Variants in GLP1R observed in about 807,000 individuals in gnomAD.
GLP1R encodes glucagon-like peptide 1 receptor.
In GLP1R, 32 loss-of-function variants were observed where a neutral mutation model predicts 68.4. The observed-to-expected ratio is 0.47, with a 90% CI of 0.35 to 0.63. GLP1R has a LOEUF of 0.63. Among genes scored for constraint, GLP1R ranks in the 20% least tolerant of loss-of-function variants. The pLI is 0.00. For synonymous variants in GLP1R, 263 were observed against 244.4 expected (o/e 1.08, Z -0.71); for missense variants, 502 against 594.9 (o/e 0.84, Z 1.62).
At chr6:39,070,354 A>T (rs369686092) in intron 5 of GLP1R, among the ~76,000 whole-genome samples, 3 of 152,234 alleles carry the variant, frequency 2.0e-5, no homozygotes, top group African/African-American at 7.2e-5. Context: ...TGTATAATAC[A>T]GCACAGTTTA....
At chr6:39,052,230 GA>G (rs1273794460) in intron 1 of GLP1R, among the ~76,000 whole-genome samples, 3 of 151,324 alleles carry the variant, frequency 2.0e-5, no homozygotes, top group East Asian at 1.9e-4. Flanking sequence ...AGCCCTTAGG[GA>G]AAAAAAATGG....
At chr6:39,053,989 C>T (rs910650760) in intron 1 of GLP1R, among the ~76,000 whole-genome samples, 2 of 152,190 alleles carry the variant, frequency 1.3e-5, no homozygotes, top group East Asian at 1.9e-4. Flanking sequence ...CCCTGCTGTG[C>T]CCTCCTGCTG....
chr6:39,075,680 G>A (rs1272790576), intron 7 of GLP1R, among the ~76,000 whole-genome samples: 1 of 152,240 alleles, frequency 6.6e-6, no homozygotes, highest in Admixed American at 6.5e-5. Flanking sequence ...GTTGCTAGGA[G>A]CTCAGACGTG....
Position 39,078,353 on chromosome 6 carries a change from C to T in GLP1R, c.855C>T (p.Gly285=). 1.2e-6 allele frequency: 2 copies of T among 1,612,846 alleles called. No homozygotes were observed. The highest frequency in any genetic ancestry group is 1.7e-6 in the Non-Finnish European group (2 of 1,178,848). Residue 285 remains glycine, a synonymous_variant, in exon 8 of 13, where the codon GGC becomes GGT. Coordinates refer to ENST00000373256, the MANE Select transcript of GLP1R (RefSeq NM_002062.5). ...CCCTGCTGTTTGTTGTCCCCTGGGGCATTGTCAAGTACCTCTATGAGGACG... is the reference window on the plus strand; with the variant it reads ...CCCTGCTGTTTGTTGTCCCCTGGGGTATTGTCAAGTACCTCTATGAGGACG... ...GVPLLFVVPW[G]IVKYLYEDEG... is the part of the protein sequence containing the mutation.
chr6:39,083,444 G>T (rs1170114028), intron 12 of GLP1R, among the ~76,000 whole-genome samples: 1 of 152,216 alleles, frequency 6.6e-6, no homozygotes. Context: ...AAGATGGCTT[G>T]AATATTGGTT....
intron 5 of GLP1R, among the ~76,000 whole-genome samples, chr6:39,071,682 G>C (rs2300616): frequency 0.55 from 84,080 of 151,810 alleles, 23,571 homozygotes; most frequent in South Asian, 0.59. Context: ...TTCCCTGTCC[G>C]GATACCATGG....
At chr6:39,070,923 G>C (rs1397960855) in intron 5 of GLP1R, among the ~76,000 whole-genome samples, 2 of 152,034 alleles carry the variant, frequency 1.3e-5, no homozygotes, top group Non-Finnish European at 2.9e-5. Flanking sequence ...ATGGAATAAA[G>C]TTTATCAATT....
At position 39,079,205 on chromosome 6, in the gene GLP1R, T is replaced by G. The variant is rs369825346; in HGVS notation, c.1043+5T>G. 6.2e-7 allele frequency: 1 copy of G among 1,601,742 alleles called. No individual in the cohort carries two copies. The highest frequency in any genetic ancestry group is 8.6e-7 in the Non-Finnish European group (1 of 1,168,710). ...CAAGACAGACATCAAATGCAGGTGA[T>G]GTAACTGAGCTGGCTTTACTGAGGA... On this transcript the variant is annotated splice_donor_5th_base_variant and intron_variant, in intron 10 of 12. Transcript: ENST00000373256. This position sits in a 1 kb window ranked among gnomAD's most constrained non-coding sequence, Gnocchi z 4.5.
At chr6:39,069,463 C>G (rs1036422797) in intron 5 of GLP1R, among the ~76,000 whole-genome samples, 1 of 152,100 alleles carries the variant, frequency 6.6e-6, no homozygotes, top group Admixed American at 6.6e-5. Flanking sequence ...GAAACCCCGT[C>G]TCTACTAAAA....
intron 6 of GLP1R, among the ~76,000 whole-genome samples, chr6:39,073,276 C>T (rs944730788): frequency 3.3e-5 from 5 of 152,168 alleles, no homozygotes; most frequent in African/African-American, 1.2e-4. Context: ...AAAGAGTAGT[C>T]TTTGGAGACA....
At chr6:39,060,950 A>T (rs2150824522) in intron 3 of GLP1R, among the ~76,000 whole-genome samples, 1 of 152,282 alleles carries the variant, frequency 6.6e-6, no homozygotes, top group African/African-American at 2.4e-5. Flanking sequence ...GGCCAGAGCC[A>T]CCCCTTCTGC....
At chr6:39,053,376 G>T (rs1768134089) in intron 1 of GLP1R, among the ~76,000 whole-genome samples, 2 of 152,220 alleles carry the variant, frequency 1.3e-5, no homozygotes, top group Non-Finnish European at 2.9e-5. Context: ...ATTGGCTGTG[G>T]TTACTGCTGG....
At chr6:39,083,371 A>G (rs1769059608) in intron 12 of GLP1R, among the ~76,000 whole-genome samples, 1 of 152,198 alleles carries the variant, frequency 6.6e-6, no homozygotes, top group East Asian at 1.9e-4. Flanking sequence ...CTCTGTCCAC[A>G]AGAGCTGTTC....
intron 2 of GLP1R, 33 bp from the exon 3 acceptor site, chr6:39,057,439 C>G (rs889814289): frequency 7.2e-7 from 1 of 1,387,126 alleles, no homozygotes; most frequent in Non-Finnish European, 1.0e-6. Context: ...CAGTCACAAG[C>G]AGGGACTCAG....
At chr6:39,083,767 C>G (rs1187586955) in intron 12 of GLP1R, among the ~76,000 whole-genome samples, 1 of 151,910 alleles carries the variant, frequency 6.6e-6, no homozygotes, top group South Asian at 2.1e-4. Flanking sequence ...CTGCAGAGGT[C>G]GAGGGCAGGG....
intron 8 of GLP1R, 50 bp from the exon 9 acceptor site, chr6:39,078,907 G>T: frequency 6.7e-7 from 1 of 1,490,484 alleles, no homozygotes; most frequent in East Asian, 2.3e-5. Flanking sequence ...CTGAGCTGGG[G>T]GTCCTGTGAG....
chr6:39,068,683 C>G (rs1432796653), intron 5 of GLP1R, among the ~76,000 whole-genome samples: 1 of 152,158 alleles, frequency 6.6e-6, no homozygotes, highest in African/African-American at 2.4e-5. Context: ...ATACCTGGGC[C>G]CACTTGAGCC....
chr6:39,054,860 G>A (rs1768174279), intron 1 of GLP1R, among the ~76,000 whole-genome samples: 1 of 152,228 alleles, frequency 6.6e-6, no homozygotes, highest in Admixed American at 6.5e-5. Context: ...CGGGGCGGTG[G>A]GGGTTGATCC....
intron 5 of GLP1R, among the ~76,000 whole-genome samples, chr6:39,068,656 G>T (rs1345448506): frequency 6.6e-6 from 1 of 152,208 alleles, no homozygotes; most frequent in Non-Finnish European, 1.5e-5. Flanking sequence ...ACGTCCTCCA[G>T]AGGGACGGCC....
Sources: gnomAD v4.1 joint callset for allele counts (sites outside exome capture counted in the v4.1 genomes callset) on GRCh38, gnomAD v4.1.1 for gene constraint, Gnocchi (gnomAD v3.1) non-coding constraint, MANE v1.5 for transcripts, NCBI Gene and HGNC (gene_info 2026-07-23, HGNC 2026-07-21) for gene names.